KDM2B: variants seen among roughly 807,000 people sequenced by gnomAD.
The protein encoded by KDM2B is lysine demethylase 2B, also known as lysine-specific demethylase 2B.
A neutral mutation model predicts 150.0 loss-of-function variants in KDM2B; 26 were observed. The ratio of observed to expected loss-of-function variants is 0.17; its 90% confidence interval spans 0.13 to 0.24. The LOEUF (loss-of-function observed/expected upper bound fraction) is 0.24. Ranked by LOEUF, KDM2B falls within the 10% of genes least tolerant of loss-of-function variation. The pLI, the probability that KDM2B is intolerant of heterozygous loss-of-function variation, is 1.00. For missense variants in KDM2B, 1,265 were observed against 1,816.9 expected, an observed-to-expected ratio of 0.70 and a Z score of 5.52; for synonymous variants, 734 against 729.5, an observed-to-expected ratio of 1.01 and a Z score of -0.10.
At chr12:121,425,485 CAT>C (rs1555284113), downstream of KDM2B, among the ~76,000 whole-genome samples, 1 of 152,170 alleles carries the variant, frequency 6.6e-6, no homozygotes, top group African/African-American at 2.4e-5. Flanking sequence ...GTGAGTAACA[CAT>C]ATGGCCTTGG....
In KDM2B at chr12:121,520,947, CCAGGCGCGCACGCGAGGACAGAAGG is replaced by C; in HGVS notation, c.1047+13_1047+37del. The C allele has an allele frequency of 6.6e-7, 1 of 1,522,142 alleles. No homozygotes were observed. The highest frequency in any genetic ancestry group is 9.1e-7 in the Non-Finnish European group (1 of 1,097,582). 94.3% of individuals were successfully genotyped at this position (1,522,142 alleles called of 1,614,324 possible). ...ACCGAGCACCGGCAGAGCTCAGGGG[CCAGGCGCGCACGCGAGGACAGAAGG>C]GAACCTCCTTACCCGCGTCCTGTCC... On this transcript the variant is annotated intron_variant, in intron 9 of 22. Coordinates refer to ENST00000377071, the MANE Select transcript of KDM2B (RefSeq NM_032590.5). The surrounding 1 kb of genome is among the most constrained non-coding windows in gnomAD (Gnocchi z 4.5).
intron 4 of KDM2B, among the ~76,000 whole-genome samples, chr12:121,571,489 A>T (rs1032218488): frequency 6.6e-6 from 1 of 151,602 alleles, no homozygotes; most frequent in Non-Finnish European, 1.5e-5. Context: ...GGGTTTCATC[A>T]TGTTGGCCAG....
intron 4 of KDM2B, among the ~76,000 whole-genome samples, chr12:121,566,042 A>G (rs543496813): frequency 5.3e-5 from 8 of 152,226 alleles, no homozygotes; most frequent in African/African-American, 1.9e-4. Context: ...AATCTATTCC[A>G]GATGAACTAT....
At chr12:121,461,349 T>G (rs902611226) in intron 12 of KDM2B, among the ~76,000 whole-genome samples, 1 of 152,144 alleles carries the variant, frequency 6.6e-6, no homozygotes. Flanking sequence ...AGTAGGGAAC[T>G]GGACCCATCA....
At chr12:121,514,691 C>T (rs1377829884) in intron 9 of KDM2B, among the ~76,000 whole-genome samples, 4 of 151,192 alleles carry the variant, frequency 2.6e-5, no homozygotes, top group Non-Finnish European at 5.9e-5. Flanking sequence ...TTACATTCTC[C>T]CACCTTCTAA....
chr12:121,528,071 G>A (rs1594055910), intron 8 of KDM2B, among the ~76,000 whole-genome samples: 1 of 152,202 alleles, frequency 6.6e-6, no homozygotes, highest in Non-Finnish European at 1.5e-5. Context: ...ACTGTTTACT[G>A]TGGCCTTGAT....
At chr12:121,461,778 A>T (rs973881957) in intron 12 of KDM2B, among the ~76,000 whole-genome samples, 1 of 152,178 alleles carries the variant, frequency 6.6e-6, no homozygotes, top group Non-Finnish European at 1.5e-5. Flanking sequence ...GACACTGCAT[A>T]GGTGCTCAAA....
At chr12:121,559,925 A>C (rs1555313578) in intron 4 of KDM2B, among the ~76,000 whole-genome samples, 2 of 152,084 alleles carry the variant, frequency 1.3e-5, no homozygotes, top group African/African-American at 4.8e-5. Flanking sequence ...AAAAGGAGTA[A>C]CATCTATGAT....
At position 121,442,010 on chromosome 12, in the gene KDM2B, T is replaced by C; in HGVS notation, c.3284+147A>G. ...CCTCTGACAAGACCAGAGGGGCCGC[T>C]GTAGCCAGCTGGAACGCTTTGCGGA... On this transcript the variant is annotated intron_variant, in intron 19 of 22. Transcript: ENST00000377071. The surrounding 1 kb of genome is among the most constrained non-coding windows in gnomAD (Gnocchi z 7.7). The C allele has an allele frequency of 1.5e-6, 1 of 680,092 alleles. No homozygotes were observed. Among genetic ancestry groups the C allele is most frequent in the Middle Eastern group, 2.9e-4 (1 of 3,392 alleles). 42.1% of individuals were successfully genotyped at this position (680,092 alleles called of 1,614,324 possible). A position where few individuals can be genotyped will look rare whatever the true frequency, so the allele number is the denominator to read the frequency against.
At chr12:121,479,161 G>T (rs1316469940) in intron 12 of KDM2B, among the ~76,000 whole-genome samples, 1 of 151,932 alleles carries the variant, frequency 6.6e-6, no homozygotes, top group East Asian at 1.9e-4. Flanking sequence ...TTTAAGAGAT[G>T]GGGCTTGGCC....
At chr12:121,580,643 G>C in intron 1 of KDM2B, 143 bp downstream of exon 1, 1 of 1,305,670 alleles carries the variant, frequency 7.7e-7, no homozygotes, top group Non-Finnish European at 1.0e-6. Context: ...AGCGGGAGGC[G>C]CGGAAATGCA....
chr12:121,547,824 G>A (rs115199049), intron 6 of KDM2B, among the ~76,000 whole-genome samples: 1,795 of 151,818 alleles, frequency 0.012, 28 homozygotes, highest in African/African-American at 0.041. Context: ...TGTATTTTTC[G>A]TAGAGACAGA....
At chr12:121,462,522 C>A (rs1879253513) in intron 12 of KDM2B, among the ~76,000 whole-genome samples, 1 of 149,972 alleles carries the variant, frequency 6.7e-6, no homozygotes, top group Non-Finnish European at 1.5e-5. Context: ...GAGACGGAGT[C>A]TCGTACTGTT....
At chr12:121,415,204 C>A in the KDM2B span, 1 of 215,412 alleles carries the variant, frequency 4.6e-6, no homozygotes, top group Non-Finnish European at 1.1e-5. Flanking sequence ...ACAAAAAAAT[C>A]TAGAGAGAGT....
chr12:121,546,745 A>T (rs1889088403), intron 6 of KDM2B, among the ~76,000 whole-genome samples: 1 of 144,970 alleles, frequency 6.9e-6, no homozygotes, highest in African/African-American at 2.6e-5. Flanking sequence ...TCATTCTGTC[A>T]CCCAGGCTAG....
At chr12:121,416,185 G>A in the KDM2B span, 16 of 1,613,944 alleles carry the variant, frequency 9.9e-6, no homozygotes, top group Middle Eastern at 1.6e-4. Flanking sequence ...TGTGGGCTTC[G>A]TGCTGTGGGC....
intron 6 of KDM2B, among the ~76,000 whole-genome samples, chr12:121,544,696 T>C (rs1428948592): frequency 6.6e-6 from 1 of 152,146 alleles, no homozygotes; most frequent in East Asian, 1.9e-4. Context: ...GCAGATCACC[T>C]GAGGTCAGGA....
At chr12:121,509,141 C>A (rs1285347478) in intron 11 of KDM2B, among the ~76,000 whole-genome samples, 2 of 152,166 alleles carry the variant, frequency 1.3e-5, no homozygotes, top group Non-Finnish European at 2.9e-5. Flanking sequence ...TCACTGCAAC[C>A]TCCACCTCCC....
At chr12:121,536,635 T>A (rs1555308750) in intron 6 of KDM2B, among the ~76,000 whole-genome samples, 1 of 150,508 alleles carries the variant, frequency 6.6e-6, no homozygotes, top group Non-Finnish European at 1.5e-5. Flanking sequence ...AGTCTTCATT[T>A]CCCTAAAACC....
Sources: gnomAD v4.1 joint callset for allele counts (sites outside exome capture counted in the v4.1 genomes callset) on GRCh38, gnomAD v4.1.1 for gene constraint, Gnocchi (gnomAD v3.1) non-coding constraint, MANE v1.5 for transcripts, NCBI Gene and HGNC (gene_info 2026-07-23, HGNC 2026-07-21) for gene names.